GATA4: variants seen among roughly 807,000 people sequenced by gnomAD.
GATA4 encodes the protein transcription factor GATA-4.
In GATA4, 7 loss-of-function variants were observed where a neutral mutation model predicts 37.9. That is an observed-to-expected ratio of 0.18 (90% CI 0.11 to 0.35). GATA4 has a LOEUF of 0.35. Among genes scored for constraint, GATA4 ranks in the 10% least tolerant of loss-of-function variants. The pLI, the probability that GATA4 is intolerant of heterozygous loss-of-function variation, is 1.00. For missense variants in GATA4, 647 were observed against 653.0 expected, an observed-to-expected ratio of 0.99 and a Z score of 0.10; for synonymous variants, 372 against 292.6, an observed-to-expected ratio of 1.27 and a Z score of -2.77.
intron 2 of GATA4, among the ~76,000 whole-genome samples, chr8:11,738,056 C>T (rs576321946): frequency 6.6e-6 from 1 of 151,696 alleles, no homozygotes; most frequent in Admixed American, 6.6e-5. Context: ...TGGTATATAC[C>T]TGTAATCCCA....
upstream of GATA4, among the ~76,000 whole-genome samples, chr8:11,702,444 G>A (rs1449460713): frequency 1.3e-5 from 2 of 151,858 alleles, no homozygotes; most frequent in Non-Finnish European, 2.9e-5. The surrounding 1 kb of genome is among the most constrained non-coding windows in gnomAD (Gnocchi z 4.4). Context: ...CCTGCCGCAG[G>A]CCTTGGCTTC....
At chr8:11,682,357 G>T (rs1317744249) in intron 1 of GATA4, among the ~76,000 whole-genome samples, 3 of 152,198 alleles carry the variant, frequency 2.0e-5, no homozygotes, top group Admixed American at 1.3e-4. Context: ...TTTGCTTTCT[G>T]TTAGATCACA....
At chr8:11,753,995 G>A (rs1312112932) in intron 4 of GATA4, among the ~76,000 whole-genome samples, 1 of 152,132 alleles carries the variant, frequency 6.6e-6, no homozygotes, top group African/African-American at 2.4e-5. Context: ...ACAGAACTGT[G>A]GTCAAAGTGT....
Position 11,758,458 on chromosome 8 carries a change from G to T in GATA4, c.1315G>T (p.Asp439Tyr), listed in dbSNP as rs149351193. 6.2e-7 allele frequency: 1 copy of T among 1,614,172 alleles called. No individual in the cohort carries two copies. Among genetic ancestry groups the T allele is most frequent in the African/African-American group, 1.3e-5 (1 of 75,038 alleles). ...NSLVLADSHG[D>Y]IITA is the part of the protein sequence containing the mutation. ...CCTGGTCTTGGCCGACAGTCACGGG[G>T]ACATAATCACTGCGTAATCTTCCCT... The change falls in exon 7 of 7, where the codon GAC becomes TAC. Residue 439 changes from aspartate to tyrosine, a missense_variant. Asp to Tyr is a radical substitution (Grantham distance 160). Coordinates refer to ENST00000532059, the MANE Select transcript of GATA4 (RefSeq NM_001308093.3).
intron 1 of GATA4, among the ~76,000 whole-genome samples, chr8:11,705,021 G>A (rs558902501): frequency 6.6e-6 from 1 of 152,236 alleles, no homozygotes; most frequent in Admixed American, 6.5e-5. Flanking sequence ...CGGATCCGCC[G>A]GGTTATGTCG....
rs1453901762 is a variant in GATA4 at position 11,708,353 on chromosome 8, CCCCCGGTGCCTACGAGGCGGGCGG to C, written c.48_71del (p.Tyr18_Ala25del). The C allele has an allele frequency of 5.7e-6, 9 of 1,582,932 alleles. No individual in the cohort carries two copies. Among genetic ancestry groups the C allele is most frequent in the African/African-American group, 2.7e-5 (2 of 74,676 alleles). On this transcript the variant is annotated inframe_deletion, in exon 2 of 7. Coordinates refer to ENST00000532059, the MANE Select transcript of GATA4 (RefSeq NM_001308093.3). This position sits in a 1 kb window ranked among gnomAD's most constrained non-coding sequence, Gnocchi z 6.7. ...GCCATGGCCGCCAACCACGGGCCGCCCCCCGGTGCCTACGAGGCGGGCGGCCCCGGCGCCTTCATGCACGGCGCG... is the reference window on the plus strand; with the variant it reads ...GCCATGGCCGCCAACCACGGGCCGCCCCCCGGCGCCTTCATGCACGGCGCG...
intron 2 of GATA4, among the ~76,000 whole-genome samples, chr8:11,710,047 G>A (rs1263775670): frequency 6.6e-6 from 1 of 152,240 alleles, no homozygotes; most frequent in Non-Finnish European, 1.5e-5. Context: ...TCACTTTGAA[G>A]AGTAAAGGCT....
chr8:11,733,464 C>T (rs1801304093), intron 2 of GATA4, among the ~76,000 whole-genome samples: 1 of 152,180 alleles, frequency 6.6e-6, no homozygotes, highest in Non-Finnish European at 1.5e-5. Flanking sequence ...TTGTGTGTAG[C>T]AGTGAAAAAT....
chr8:11,694,301 AG>A (rs1178723945), intron 1 of GATA4: 2 of 155,274 alleles, frequency 1.3e-5, no homozygotes, highest in African/African-American at 4.8e-5. Context: ...AAGAACTCAC[AG>A]ATCAGGTGTC....
intron 1 of GATA4, among the ~76,000 whole-genome samples, chr8:11,678,458 C>G (rs1401257594): frequency 6.6e-6 from 1 of 152,204 alleles, no homozygotes; most frequent in Non-Finnish European, 1.5e-5. Context: ...CTCTGGCTTG[C>G]TTACCCTTGC....
chr8:11,743,155 G>C (rs989006931), intron 2 of GATA4, among the ~76,000 whole-genome samples: 1 of 152,274 alleles, frequency 6.6e-6, no homozygotes, highest in Non-Finnish European at 1.5e-5. Flanking sequence ...GGGCACCACT[G>C]TGAGGCCCAG....
intron 2 of GATA4, among the ~76,000 whole-genome samples, chr8:11,726,691 G>A (rs946899774): frequency 1.3e-5 from 2 of 152,124 alleles, no homozygotes; most frequent in Admixed American, 6.5e-5. Flanking sequence ...GGAGGCCTTG[G>A]GAGGCCCAGA....
chr8:11,753,689 C>G (rs1802415721), intron 4 of GATA4, among the ~76,000 whole-genome samples: 1 of 152,068 alleles, frequency 6.6e-6, no homozygotes. Context: ...TCGGGGGGTG[C>G]AAGTGCCACC....
intron 2 of GATA4, among the ~76,000 whole-genome samples, chr8:11,720,577 CT>C (rs1800627371): frequency 6.6e-6 from 1 of 152,158 alleles, no homozygotes; most frequent in Non-Finnish European, 1.5e-5. Context: ...CAATGCTTAT[CT>C]TTTCTACTCG....
chr8:11,736,270 A>G (rs946615039), intron 2 of GATA4, among the ~76,000 whole-genome samples: 1 of 152,246 alleles, frequency 6.6e-6, no homozygotes, highest in African/African-American at 2.4e-5. Context: ...GACAGGGACT[A>G]AAAACATAAA....
intron 1 of GATA4, chr8:11,697,527 G>A: frequency 4.1e-6 from 4 of 984,768 alleles, no homozygotes; most frequent in Non-Finnish European, 4.8e-6. Context: ...GGGAGGGAGA[G>A]GTGGTCGTGG....
chr8:11,720,661 C>T (rs1198840375), intron 2 of GATA4, among the ~76,000 whole-genome samples: 1 of 152,162 alleles, frequency 6.6e-6, no homozygotes, highest in African/African-American at 2.4e-5. Context: ...TTCATAAGTT[C>T]TCATCATTCA....
rs754397049 is a variant in GATA4 at position 11,732,954 on chromosome 8, C to G, written c.617-15962C>G. 3.9e-5 allele frequency among the ~76,000 whole-genome samples: 6 copies of G among 152,276 alleles called. No individual in the cohort carries two copies. In the South Asian group the frequency reaches 6.2e-4, roughly 16 times the overall value. ...TCCTGCCTGTTCGCCTCCCAAATGC[C>G]CAACCTCCAAATACCATCACATGTG... is the stretch of plus-strand genomic sequence containing the variant. On this transcript the variant is annotated intron_variant, in intron 2 of 6. Transcript: ENST00000532059.
intron 2 of GATA4, among the ~76,000 whole-genome samples, chr8:11,734,834 C>T (rs574153612): frequency 3.9e-5 from 6 of 152,260 alleles, no homozygotes; most frequent in East Asian, 3.9e-4. Context: ...ATGAGGGCTC[C>T]GTCCGATGGC....
Sources: allele counts gnomAD v4.1 joint callset (sites outside exome capture counted in the v4.1 genomes callset), GRCh38; gene constraint gnomAD v4.1.1; non-coding constraint Gnocchi (gnomAD v3.1); transcripts MANE v1.5; gene names NCBI Gene and HGNC (gene_info 2026-07-23, HGNC 2026-07-21).